Variants in BTF3L4 observed in about 807,000 individuals in gnomAD.
BTF3L4 encodes the protein transcription factor BTF3 homolog 4.
A neutral mutation model predicts 16.8 loss-of-function variants in BTF3L4; 6 were observed. The ratio of observed to expected loss-of-function variants is 0.36; its 90% CI spans 0.20 to 0.71. BTF3L4 has a LOEUF of 0.71. Ranked by LOEUF, BTF3L4 falls within the 30% of genes least tolerant of loss-of-function variation. The pLI is 0.58. For missense variants in BTF3L4, 92 were observed against 186.9 expected, an observed-to-expected ratio of 0.49 and a Z score of 2.96; for synonymous variants, 39 against 59.8, an observed-to-expected ratio of 0.65 and a Z score of 1.60.
At chr1:52,076,927 T>G (rs1038872697) in intron 3 of BTF3L4, among the ~76,000 whole-genome samples, 5 of 152,162 alleles carry the variant, frequency 3.3e-5, no homozygotes, top group African/African-American at 1.2e-4. Flanking sequence ...ATCCCAGCAC[T>G]TTGGGAAGCC....
At chr1:52,082,165 ACT>A (rs907970221) in intron 3 of BTF3L4, among the ~76,000 whole-genome samples, 5 of 152,064 alleles carry the variant, frequency 3.3e-5, no homozygotes, top group African/African-American at 1.2e-4. Context: ...CACAAATTCA[ACT>A]CTACTGAAAA....
Position 52,088,392 on chromosome 1 carries a change from A to G in BTF3L4, c.*1634A>G, listed in dbSNP as rs1037871999. 1 of 152,636 alleles carries G rather than the reference A, an allele frequency of 6.6e-6. No individual in the cohort carries two copies. The highest frequency in any genetic ancestry group is 2.4e-5 in the African/African-American group (1 of 41,450). The allele number at this position is 152,636 out of a possible 1,614,324, so 9.5% of individuals were successfully genotyped here. On this transcript the variant is annotated 3_prime_UTR_variant, in exon 6 of 6. Transcript: ENST00000313334. The stretch of plus-strand genomic sequence containing the variant: ...AAATAAAATAACAGTGCAAAAGAGG[A>G]GAATATTTCCTCTTGTGCTTTTCTT...
chr1:52,073,496 A>ACG (rs1686849658), intron 3 of BTF3L4, among the ~76,000 whole-genome samples: 1 of 69,570 alleles, frequency 1.4e-5, no homozygotes, highest in South Asian at 4.6e-4. Flanking sequence ...TGCTACATAC[A>ACG]CACACACACA....
chr1:52,086,495 G>C (rs1220960461), intron 5 of BTF3L4: 1 of 487,078 alleles, frequency 2.1e-6, no homozygotes, highest in Non-Finnish European at 3.6e-6. Flanking sequence ...AATTTGCATA[G>C]ACAAAAGATG....
intron 3 of BTF3L4, among the ~76,000 whole-genome samples, chr1:52,073,671 C>T (rs997048439): frequency 9.4e-6 from 1 of 106,832 alleles, no homozygotes; most frequent in Non-Finnish European, 1.7e-5. Context: ...TAGGTAACAT[C>T]GTGAGATGCT....
chr1:52,057,227 C>T (rs1415885506), intron 1 of BTF3L4, among the ~76,000 whole-genome samples: 1 of 152,198 alleles, frequency 6.6e-6, no homozygotes, highest in Non-Finnish European at 1.5e-5. Flanking sequence ...AATAAAAAGT[C>T]AGGACTCAAG....
intron 3 of BTF3L4, among the ~76,000 whole-genome samples, chr1:52,081,715 A>G (rs1643925707): frequency 6.6e-6 from 1 of 152,218 alleles, no homozygotes; most frequent in African/African-American, 2.4e-5. Context: ...CTTGTGTGTG[A>G]TATAATTAAT....
chr1:52,073,065 GAAA>G (rs1394020501), intron 3 of BTF3L4, among the ~76,000 whole-genome samples: 1 of 151,274 alleles, frequency 6.6e-6, no homozygotes, highest in Admixed American at 6.6e-5. Flanking sequence ...CTCAAAAAAA[GAAA>G]AAAATTGGCT....
rs140731464 is a variant in BTF3L4, at chr1:52,068,134, G to A, written c.168+3196G>A. Among the ~76,000 whole-genome samples the A allele has an allele frequency of 3.2e-3, 485 of 152,130 alleles. 5 individuals carry two copies. The highest frequency in any genetic ancestry group is 0.011 in the African/African-American group (460 of 41,510). ...TAATTAGTAAAACTTTTAGTGTAGG[G>A]GCAGCATTGATTTTATAAGTGTTTT... On this transcript the variant is annotated intron_variant, in intron 3 of 5. Transcript: ENST00000313334.
intron 3 of BTF3L4, among the ~76,000 whole-genome samples, chr1:52,076,781 A>G (rs1686945510): frequency 6.6e-6 from 1 of 152,220 alleles, no homozygotes; most frequent in African/African-American, 2.4e-5. Context: ...GCGTGTGCAA[A>G]GCCCATTATC....
At chr1:52,084,335 G>A (rs1366901140) in intron 4 of BTF3L4, among the ~76,000 whole-genome samples, 3 of 152,018 alleles carry the variant, frequency 2.0e-5, no homozygotes, top group Non-Finnish European at 4.4e-5. Flanking sequence ...TATACACAGG[G>A]TTTCGCCATG....
At chr1:52,057,663 A>T (rs1453848182) in intron 1 of BTF3L4, among the ~76,000 whole-genome samples, 1 of 152,196 alleles carries the variant, frequency 6.6e-6, no homozygotes, top group Non-Finnish European at 1.5e-5. Flanking sequence ...GACATCGCAT[A>T]GACTGAGTCC....
chr1:52,071,884 T>C (rs1281162397), intron 3 of BTF3L4, among the ~76,000 whole-genome samples: 1 of 151,778 alleles, frequency 6.6e-6, no homozygotes, highest in African/African-American at 2.4e-5. Context: ...CATCCTTCTT[T>C]CTCTCTTAGG....
intron 3 of BTF3L4, among the ~76,000 whole-genome samples, chr1:52,079,911 G>A (rs1199697631): frequency 2.3e-5 from 3 of 132,318 alleles, no homozygotes; most frequent in Non-Finnish European, 4.6e-5. Context: ...TCGCTCTGTC[G>A]CCCAGGCTAG....
At chr1:52,066,068 A>G (rs1686639876) in intron 3 of BTF3L4, among the ~76,000 whole-genome samples, 1 of 152,148 alleles carries the variant, frequency 6.6e-6, no homozygotes, top group Non-Finnish European at 1.5e-5. Flanking sequence ...AGTTTATTGT[A>G]TTTTGATGAC....
chr1:52,060,891 G>A (rs1311033314), intron 2 of BTF3L4, among the ~76,000 whole-genome samples: 1 of 152,230 alleles, frequency 6.6e-6, no homozygotes, highest in Non-Finnish European at 1.5e-5. Context: ...GCAGAAACTA[G>A]GGATATTCAA....
chr1:52,071,827 A>G (rs1686792643), intron 3 of BTF3L4, among the ~76,000 whole-genome samples: 1 of 151,922 alleles, frequency 6.6e-6, no homozygotes. Flanking sequence ...TGAGTACACG[A>G]GAGTAAAAGG....
At chr1:52,058,063 T>C (rs964733780) in intron 1 of BTF3L4, among the ~76,000 whole-genome samples, 9 of 152,182 alleles carry the variant, frequency 5.9e-5, no homozygotes, top group African/African-American at 1.9e-4. Context: ...TTTGGCTCTT[T>C]GTTAGTTCAC....
chr1:52,071,249 TATA>T (rs1162399562), intron 3 of BTF3L4: 1 of 152,222 alleles, frequency 6.6e-6, no homozygotes, highest in African/African-American at 2.4e-5. Flanking sequence ...CATAGAGTTT[TATA>T]ATAATATTCA....
Sources: gnomAD v4.1 joint callset for allele counts (sites outside exome capture counted in the v4.1 genomes callset) on GRCh38, gnomAD v4.1.1 for gene constraint, MANE v1.5 for transcripts, NCBI Gene and HGNC (gene_info 2026-07-23, HGNC 2026-07-21) for gene names.